The following MSRB2 variants were observed in gnomAD, a reference collection of about 807,000 sequenced individuals.
MSRB2 encodes the protein methionine-R-sulfoxide reductase B2, mitochondrial.
Under a neutral mutation model 19.0 loss-of-function variants are expected in MSRB2, and 17 were observed. That is an observed-to-expected ratio of 0.89 (90% confidence interval 0.61 to 1.34). MSRB2 has a LOEUF of 1.34. Ranked by LOEUF, MSRB2 falls within the 40% of genes most tolerant of loss-of-function variation. The pLI is 0.00. For synonymous variants in MSRB2, 107 were observed against 99.7 expected (o/e 1.07, Z -0.44); for missense variants, 208 against 237.6 (o/e 0.88, Z 0.82).
chr10:23,116,273 C>T (rs1253099848), intron 3 of MSRB2, among the ~76,000 whole-genome samples: 4 of 152,100 alleles, frequency 2.6e-5, no homozygotes. Context: ...AGGGTTACAG[C>T]CTTCAAGGTG....
intron 1 of MSRB2, among the ~76,000 whole-genome samples, chr10:23,096,651 GA>G (rs1346901331): frequency 6.6e-6 from 1 of 152,112 alleles, no homozygotes; most frequent in East Asian, 1.9e-4. Context: ...TGAAGTTTTC[GA>G]AATGCAATAT....
chr10:23,116,612 A>C (rs1290095288), intron 3 of MSRB2, among the ~76,000 whole-genome samples: 1 of 152,228 alleles, frequency 6.6e-6, no homozygotes, highest in African/African-American at 2.4e-5. Context: ...GAACCACTTC[A>C]TGGTCTTTTA....
chr10:23,114,532 G>T (rs1166410311), intron 3 of MSRB2, among the ~76,000 whole-genome samples: 1 of 152,178 alleles, frequency 6.6e-6, no homozygotes, highest in African/African-American at 2.4e-5. Flanking sequence ...GAGGCTTAAA[G>T]AATTTAACTA....
intron 1 of MSRB2, among the ~76,000 whole-genome samples, chr10:23,100,063 C>A (rs1009801536): frequency 6.6e-6 from 1 of 152,172 alleles, no homozygotes; most frequent in East Asian, 1.9e-4. Flanking sequence ...AAGATAAAGC[C>A]AGCTTCACAG....
chr10:23,098,591 G>A (rs1000953926), intron 1 of MSRB2, among the ~76,000 whole-genome samples: 1 of 152,218 alleles, frequency 6.6e-6, no homozygotes, highest in Non-Finnish European at 1.5e-5. Context: ...GGATGAGCAC[G>A]TGGTGCAGAG....
chr10:23,102,706 AC>A (rs1414390261), intron 1 of MSRB2, among the ~76,000 whole-genome samples: 1 of 152,260 alleles, frequency 6.6e-6, no homozygotes, highest in African/African-American at 2.4e-5. Flanking sequence ...AGAAGATGTG[AC>A]TATCTGTTCC....
In MSRB2 at chr10:23,095,632, C is replaced by T; in HGVS notation, c.24C>T (p.Leu8=). ...TCATGGCGCGGCTCCTCTGGTTGCT[C>T]CGGGGCCTGACCCTCGGAACTGCGC... MARLLWL[L]RGLTLGTAPR... is the part of the protein sequence containing the mutation. Residue 8 remains leucine (L), a synonymous_variant, in exon 1 of 5, where the codon CTC becomes CTT. Transcript: ENST00000376510. The T allele has an allele frequency of 6.8e-7, 1 of 1,470,392 alleles. No homozygotes were observed. The allele number at this position is 1,470,392 out of a possible 1,614,324, so 91.1% of individuals were successfully genotyped here.
Position 23,120,883 on chromosome 10 carries a change from C to T in MSRB2, c.*21C>T, listed in dbSNP as rs760725456. Reference sequence around the variant, plus strand: ...ACTGACCATCTTCAAGAGTCCCGTTCCCTTGCCACCCCTTCACGTGCACCC... The same window carrying T: ...ACTGACCATCTTCAAGAGTCCCGTTTCCTTGCCACCCCTTCACGTGCACCC... On this transcript the variant is annotated 3_prime_UTR_variant, in exon 5 of 5. Coordinates refer to ENST00000376510, the MANE Select transcript of MSRB2 (RefSeq NM_012228.4). 14 of 1,559,036 alleles carry T rather than the reference C, an allele frequency of 9.0e-6. No homozygotes were observed. In the South Asian group the frequency reaches 9.0e-5, roughly 10 times the overall value.
At chr10:23,110,201 G>A in intron 2 of MSRB2, 41 bp from the exon 3 acceptor site, 1 of 1,498,458 alleles carries the variant, frequency 6.7e-7, no homozygotes. Flanking sequence ...CCTGCCAGTA[G>A]TATGAGAAAT....
At chr10:23,115,354 A>T (rs551904481) in intron 3 of MSRB2, among the ~76,000 whole-genome samples, 2 of 152,334 alleles carry the variant, frequency 1.3e-5, no homozygotes, top group East Asian at 3.9e-4. Flanking sequence ...AAATCTTCTT[A>T]AAATAAGAGG....
At chr10:23,110,006 C>T (rs1381702259) in intron 2 of MSRB2, among the ~76,000 whole-genome samples, 1 of 152,182 alleles carries the variant, frequency 6.6e-6, no homozygotes, top group Non-Finnish European at 1.5e-5. Context: ...TGTATGAATA[C>T]AAAGATTATC....
At chr10:23,113,505 T>C (rs1421175799) in intron 3 of MSRB2, among the ~76,000 whole-genome samples, 2 of 152,212 alleles carry the variant, frequency 1.3e-5, no homozygotes, top group Non-Finnish European at 2.9e-5. Context: ...TAAACTTGAT[T>C]AGCTTTCGAG....
chr10:23,102,823 C>T (rs1332812056), intron 1 of MSRB2, among the ~76,000 whole-genome samples: 5 of 152,102 alleles, frequency 3.3e-5, no homozygotes, highest in Admixed American at 3.3e-4. Flanking sequence ...TGACATTCTG[C>T]GTGATAACTC....
chr10:23,118,965 C>G, intron 3 of MSRB2: 1 of 460,432 alleles, frequency 2.2e-6, no homozygotes, highest in Non-Finnish European at 4.4e-6. Flanking sequence ...TGATTTCTCC[C>G]CTTTTGACAT....
In MSRB2 at chr10:23,119,356, C is replaced by T. The variant is rs375734008; in HGVS notation, c.349C>T (p.His117Tyr). 1.2e-6 allele frequency: 2 copies of T among 1,614,038 alleles called. No individual in the cohort carries two copies. Among genetic ancestry groups the T allele is most frequent in the African/African-American group, 2.7e-5 (2 of 74,928 alleles). ...TGGGTGGCCTTCGTTTTCCGAGGCT[C>T]ATGGTACGTCTGGCTCTGATGAAAG... Reference protein sequence around the residue: ...GTGWPSFSEAHGTSGSDESHT... With the variant: ...GTGWPSFSEAYGTSGSDESHT... The change falls in exon 4 of 5, where the codon CAT becomes TAT. Residue 117 changes from histidine to tyrosine, a missense_variant. Transcript: ENST00000376510.
At position 23,121,632 on chromosome 10, in the gene MSRB2, G is replaced by A. The variant is rs1477984079; in HGVS notation, c.*770G>A. 1.3e-5 allele frequency: 2 copies of A among 152,220 alleles called. No individual in the cohort carries two copies. Among genetic ancestry groups the A allele is most frequent in the Non-Finnish European group, 2.9e-5 (2 of 68,062 alleles). 9.4% of individuals were successfully genotyped at this position (152,220 alleles called of 1,614,324 possible). ...ATGACTCTGGGAACATCAGGAGGCT[G>A]ATGGACTATTAAGCCAAACAATTCC... On this transcript the variant is annotated 3_prime_UTR_variant, in exon 5 of 5. Coordinates refer to ENST00000376510, the MANE Select transcript of MSRB2 (RefSeq NM_012228.4).
Position 23,121,023 on chromosome 10 carries a change from T to C in MSRB2, c.*161T>C. On this transcript the variant is annotated 3_prime_UTR_variant, in exon 5 of 5. Transcript: ENST00000376510. The stretch of plus-strand genomic sequence containing the variant: ...CTTAATTTATTTACCTGGAATCAAC[T>C]TAATCCTGTGTGTTAGGCTGTTCTT... 1.6e-6 allele frequency: 1 copy of C among 610,354 alleles called. No homozygotes were observed. The highest frequency in any genetic ancestry group is 2.9e-6 in the Non-Finnish European group (1 of 343,036). The allele number at this position is 610,354 out of a possible 1,614,324, so 37.8% of individuals were successfully genotyped here. A position where few individuals can be genotyped will look rare whatever the true frequency, so the allele number is the denominator to read the frequency against.
chr10:23,099,516 T>G (rs969016242), intron 1 of MSRB2, among the ~76,000 whole-genome samples: 14 of 152,202 alleles, frequency 9.2e-5, no homozygotes, highest in African/African-American at 3.1e-4. Flanking sequence ...CTTAATTCTT[T>G]TGGTTAGCAA....
chr10:23,112,663 A>C (rs1253469779), intron 3 of MSRB2, among the ~76,000 whole-genome samples: 1 of 152,200 alleles, frequency 6.6e-6, no homozygotes, highest in African/African-American at 2.4e-5. Flanking sequence ...ATCTCGGCTC[A>C]CTGCAACCTC....
Sources: allele counts gnomAD v4.1 joint callset (sites outside exome capture counted in the v4.1 genomes callset), GRCh38; gene constraint gnomAD v4.1.1; transcripts MANE v1.5; gene names NCBI Gene and HGNC (gene_info 2026-07-23, HGNC 2026-07-21).